Variants in SLC37A1 observed in about 807,000 individuals in gnomAD.
The protein encoded by SLC37A1 is glucose-6-phosphate exchanger SLC37A1.
In SLC37A1, 49 loss-of-function variants were observed where a neutral mutation model predicts 75.3. The ratio of observed to expected loss-of-function variants is 0.65; its 90% CI spans 0.52 to 0.83. The LOEUF (loss-of-function observed/expected upper bound fraction) is 0.83. SLC37A1 is among the 40% of genes least tolerant of loss of function. The pLI, the probability that SLC37A1 is intolerant of heterozygous loss-of-function variation, is 0.00. For synonymous variants in SLC37A1, 268 were observed against 292.1 expected (o/e 0.92, Z 0.84); for missense variants, 566 against 695.0 (o/e 0.81, Z 2.09).
At position 42,547,890 on chromosome 21, in the gene SLC37A1, T is replaced by C. The variant is rs1393687012; in HGVS notation, c.768+750T>C. 2.0e-5 allele frequency among the ~76,000 whole-genome samples: 3 copies of C among 151,878 alleles called. No homozygotes were observed. The highest frequency in any genetic ancestry group is 4.4e-5 in the Non-Finnish European group (3 of 67,936). ...CCCATGTCCACTGGCATGACACCCC[T>C]CCTGTCTGCAGGCCACCGCCACCTC... On this transcript the variant is annotated intron_variant, in intron 9 of 19. Coordinates refer to ENST00000352133, the MANE Select transcript of SLC37A1 (RefSeq NM_001320537.2). This position sits in a 1 kb window ranked among gnomAD's most constrained non-coding sequence, Gnocchi z 6.1.
intron 3 of SLC37A1, among the ~76,000 whole-genome samples, chr21:42,528,828 A>T (rs1216079204): frequency 2.6e-5 from 4 of 151,212 alleles, no homozygotes; most frequent in Admixed American, 6.6e-5. Context: ...AACTCCATCT[A>T]AAAAAAAATG....
At chr21:42,560,211 A>G (rs998909736) in intron 11 of SLC37A1, among the ~76,000 whole-genome samples, 1 of 152,208 alleles carries the variant, frequency 6.6e-6, no homozygotes, top group African/African-American at 2.4e-5. Flanking sequence ...AGAGAATCTA[A>G]GGAGCTGTGC....
At chr21:42,570,174 A>G (rs9980075) in intron 17 of SLC37A1, among the ~76,000 whole-genome samples, 9,630 of 30,452 alleles carry the variant, frequency 0.32, 3,028 homozygotes, top group Admixed American at 0.45. Flanking sequence ...CAGGGTGGCC[A>G]TTGCCATGTG....
chr21:42,555,820 C>T (rs1380197202), intron 10 of SLC37A1, among the ~76,000 whole-genome samples: 1 of 152,244 alleles, frequency 6.6e-6, no homozygotes, highest in Non-Finnish European at 1.5e-5. Flanking sequence ...AGTAAAGGCA[C>T]TGGCAGGCCT....
At chr21:42,531,505 G>T (rs1420013235) in intron 3 of SLC37A1, among the ~76,000 whole-genome samples, 1 of 152,224 alleles carries the variant, frequency 6.6e-6, no homozygotes, top group Non-Finnish European at 1.5e-5. Context: ...GGTTGATTTT[G>T]TATGTAACTT....
At chr21:42,505,760 T>A (rs151050732) in intron 2 of SLC37A1, among the ~76,000 whole-genome samples, 3 of 152,360 alleles carry the variant, frequency 2.0e-5, no homozygotes, top group African/African-American at 7.2e-5. Context: ...AATTTTGTTT[T>A]CTAAAAGTTA....
intron 18 of SLC37A1, chr21:42,575,984 T>C (rs2056299594): frequency 1.0e-6 from 1 of 978,442 alleles, no homozygotes; most frequent in Non-Finnish European, 1.2e-6. Flanking sequence ...TCTTTAGAAC[T>C]ATCTGGTAAT....
chr21:42,512,480 G>A (rs1268072425), upstream of SLC37A1, among the ~76,000 whole-genome samples: 1 of 152,212 alleles, frequency 6.6e-6, no homozygotes, highest in Non-Finnish European at 1.5e-5. Context: ...GGGTAGCCTC[G>A]AGCCGAACCA....
At chr21:42,564,544 C>T (rs2146995621) in intron 13 of SLC37A1, among the ~76,000 whole-genome samples, 164 bp from the exon 14 acceptor site, 1 of 152,274 alleles carries the variant, frequency 6.6e-6, no homozygotes, top group Non-Finnish European at 1.5e-5. Flanking sequence ...CCAATGGAGG[C>T]CTGTGGGGAG....
At chr21:42,535,724 G>A (rs990476272) in intron 5 of SLC37A1, among the ~76,000 whole-genome samples, 174 bp downstream of exon 5, 4 of 152,206 alleles carry the variant, frequency 2.6e-5, no homozygotes, top group Non-Finnish European at 4.4e-5. Flanking sequence ...GAGCAAGTGC[G>A]TGTGCTGTGC....
rs1288826366 is a variant in SLC37A1 at position 42,548,149 on chromosome 21, G to A, written c.768+1009G>A. 4.6e-5 allele frequency among the ~76,000 whole-genome samples: 7 copies of A among 152,114 alleles called. No individual in the cohort carries two copies. Among genetic ancestry groups the A allele is most frequent in the African/African-American group, 9.7e-5 (4 of 41,406 alleles). On this transcript the variant is annotated intron_variant, in intron 9 of 19. Transcript: ENST00000352133. The surrounding 1 kb of genome is among the most constrained non-coding windows in gnomAD (Gnocchi z 5.6). ...TGGGGGTGCCCCCAGGCTGCCCTGC[G>A]GCCTCCTCTCTCCTTGTCTGCCCGC...
chr21:42,529,920 A>T (rs2054902994), intron 3 of SLC37A1, among the ~76,000 whole-genome samples: 1 of 152,202 alleles, frequency 6.6e-6, no homozygotes, highest in Non-Finnish European at 1.5e-5. Context: ...CAGTGAAATA[A>T]AAAACACTAC....
chr21:42,558,859 C>T (rs1023975007), intron 10 of SLC37A1, 99 bp from the exon 11 acceptor site: 43 of 1,499,276 alleles, frequency 2.9e-5, no homozygotes, highest in Admixed American at 3.9e-5. Flanking sequence ...AAGAGAGAGC[C>T]GCCAGGCACC....
At position 42,547,070 on chromosome 21, in the gene SLC37A1, C is replaced by T. The variant is rs894800114; in HGVS notation, c.731-33C>T. 1.9e-6 allele frequency: 3 copies of T among 1,613,988 alleles called. No individual in the cohort carries two copies. Among genetic ancestry groups the T allele is most frequent in the Admixed American group, 1.7e-5 (1 of 60,002 alleles). On this transcript the variant is annotated intron_variant, in intron 8 of 19. Coordinates refer to ENST00000352133, the MANE Select transcript of SLC37A1 (RefSeq NM_001320537.2). The surrounding 1 kb of genome is among the most constrained non-coding windows in gnomAD (Gnocchi z 6.1). ...TACTTGGCATTGCCATGGTGGTGGA[C>T]CTGCTCAGCCTCACTCATGTTTGCT...
Position 42,520,874 on chromosome 21 carries a change from A to G in SLC37A1, c.56+2364A>G, listed in dbSNP as rs189719967. Among the ~76,000 whole-genome samples, 54 of 152,332 alleles carry G rather than the reference A, an allele frequency of 3.5e-4. No homozygotes were observed. The East Asian group carries it at 9.2e-3, about 26-fold the overall frequency. On this transcript the variant is annotated intron_variant, in intron 2 of 19. Transcript: ENST00000352133. ...CCAGAAAATAAGGAAGTACTTACAA[A>G]CAAAGGGACTCTGACTTGTCAAATC...
At position 42,518,453 on chromosome 21, in the gene SLC37A1, A is replaced by G; in HGVS notation, c.-2A>G. The G allele has an allele frequency of 6.2e-7, 1 of 1,613,622 alleles. No individual in the cohort carries two copies. Among genetic ancestry groups the G allele is most frequent in the Non-Finnish European group, 8.5e-7 (1 of 1,180,022 alleles). On this transcript the variant is annotated 5_prime_UTR_variant, in exon 2 of 20. Transcript: ENST00000352133. ...GAGGCTCAGTGGTCAGTGGCGACGTAAATGGCTCGACTCCCCGCTGGCATT... is the reference window on the plus strand; with the variant it reads ...GAGGCTCAGTGGTCAGTGGCGACGTGAATGGCTCGACTCCCCGCTGGCATT...
chr21:42,554,068 A>G lies in SLC37A1; in HGVS notation c.775A>G (p.Lys259Glu), dbSNP rs1485518509. The G allele has an allele frequency of 3.7e-6, 6 of 1,608,516 alleles. No individual in the cohort carries two copies. Among genetic ancestry groups the G allele is most frequent in the African/African-American group, 1.3e-5 (1 of 74,714 alleles). The change falls in exon 10 of 20, where the codon AAA becomes GAA. Residue 259 changes from lysine to glutamate, a missense_variant. Lys to Glu is a moderately conservative substitution (Grantham distance 56). Coordinates refer to ENST00000352133, the MANE Select transcript of SLC37A1 (RefSeq NM_001320537.2). ...AAACTTTTTTTTTTACCAGCACTCA[A>G]AAGGCTATGAGAATGGTACAAACAG... ...RCSSTLVTHS[K>E]GYENGTNRLR...
At chr21:42,546,235 G>A (rs1204996298) in intron 8 of SLC37A1, among the ~76,000 whole-genome samples, 1 of 152,232 alleles carries the variant, frequency 6.6e-6, no homozygotes, top group Non-Finnish European at 1.5e-5. Flanking sequence ...TTCCCGCATT[G>A]CTCGGGGCAG....
At chr21:42,575,707 T>C (rs1419729050) in intron 18 of SLC37A1, 1 of 985,342 alleles carries the variant, frequency 1.0e-6, no homozygotes, top group East Asian at 1.1e-4. Context: ...AAAAATGAGT[T>C]GAGAATTTCA....
Sources: gnomAD v4.1 joint callset for allele counts (sites outside exome capture counted in the v4.1 genomes callset) on GRCh38, gnomAD v4.1.1 for gene constraint, Gnocchi (gnomAD v3.1) non-coding constraint, MANE v1.5 for transcripts, NCBI Gene and HGNC (gene_info 2026-07-23, HGNC 2026-07-21) for gene names.